TENM2: variants seen among roughly 807,000 people sequenced by gnomAD.
TENM2 encodes the protein teneurin-2.
Under a neutral mutation model 245.2 loss-of-function variants are expected in TENM2, and 52 were observed. The ratio of observed to expected loss-of-function variants is 0.21; its 90% CI spans 0.17 to 0.27. TENM2 has a LOEUF of 0.27. TENM2 is among the 10% of genes least tolerant of loss of function. The pLI is 1.00. For synonymous variants in TENM2, 1,363 were observed against 1,438.9 expected (o/e 0.95, Z 1.19); for missense variants, 3,046 against 3,666.8 (o/e 0.83, Z 4.37).
intron 13 of TENM2, among the ~76,000 whole-genome samples, chr5:168,183,799 A>G (rs1258303743): frequency 6.9e-6 from 1 of 144,366 alleles, no homozygotes; most frequent in African/African-American, 2.8e-5. Context: ...AGCTCTGTAT[A>G]GGTAAAAAAA....
chr5:167,546,914 G>A (rs1413328090), intron 2 of TENM2, among the ~76,000 whole-genome samples: 3 of 152,048 alleles, frequency 2.0e-5, no homozygotes, highest in Non-Finnish European at 4.4e-5. Context: ...CTCCTCTCCT[G>A]GGCACTCTCA....
intron 2 of TENM2, among the ~76,000 whole-genome samples, chr5:167,789,166 C>A (rs1467762331): frequency 6.6e-6 from 1 of 152,170 alleles, no homozygotes. Context: ...TCAGGCTAGG[C>A]CTCGAAAATA....
At chr5:167,357,880 A>T (rs1759447301) in intron 1 of TENM2, among the ~76,000 whole-genome samples, 1 of 152,054 alleles carries the variant, frequency 6.6e-6, no homozygotes, top group Non-Finnish European at 1.5e-5. Flanking sequence ...GAATTTCGAA[A>T]CCACATCTAC....
At chr5:167,257,220 C>G in the TENM2 span, among the ~76,000 whole-genome samples, 126 of 152,164 alleles carry the variant, frequency 8.3e-4, 1 homozygote, top group South Asian at 0.021. Context: ...CCTAGTTACC[C>G]TACCATAAAA....
chr5:167,981,643 C>T (rs555561410), intron 4 of TENM2, among the ~76,000 whole-genome samples: 5 of 152,308 alleles, frequency 3.3e-5, no homozygotes, highest in Admixed American at 1.3e-4. Flanking sequence ...GCTTTGCTAA[C>T]TCAAAGAGAT....
At chr5:167,138,121 T>C in the TENM2 span, among the ~76,000 whole-genome samples, 1 of 152,248 alleles carries the variant, frequency 6.6e-6, no homozygotes, top group African/African-American at 2.4e-5. Flanking sequence ...TTCACTACTG[T>C]CTGTTCAAAT....
At chr5:167,461,986 G>C (rs923329444) in intron 2 of TENM2, among the ~76,000 whole-genome samples, 1 of 152,094 alleles carries the variant, frequency 6.6e-6, no homozygotes, top group Non-Finnish European at 1.5e-5. Flanking sequence ...ATAGAGATGG[G>C]AATAAATCGC....
chr5:167,498,251 C>T (rs1768944380), intron 2 of TENM2, among the ~76,000 whole-genome samples: 1 of 152,032 alleles, frequency 6.6e-6, no homozygotes, highest in Non-Finnish European at 1.5e-5. Context: ...GCAGAGGCGC[C>T]GGGAACTCTT....
At chr5:167,091,898 C>T in the TENM2 span, among the ~76,000 whole-genome samples, 4 of 152,114 alleles carry the variant, frequency 2.6e-5, no homozygotes, top group African/African-American at 2.4e-5. Flanking sequence ...TGGCACTTGA[C>T]GTGGCATTTA....
intron 14 of TENM2, among the ~76,000 whole-genome samples, chr5:168,191,471 C>T (rs895579285): frequency 2.6e-5 from 4 of 151,830 alleles, no homozygotes; most frequent in African/African-American, 4.8e-5. Flanking sequence ...GAAGGAGGAG[C>T]GTGGTCTAAT....
At chr5:167,903,213 G>C (rs1583321035) in intron 3 of TENM2, among the ~76,000 whole-genome samples, 1 of 152,142 alleles carries the variant, frequency 6.6e-6, no homozygotes, top group East Asian at 1.9e-4. Flanking sequence ...CATCCATTCA[G>C]CTAATAATAA....
chr5:168,029,417 T>C (rs1310015712), intron 5 of TENM2, among the ~76,000 whole-genome samples: 1 of 152,202 alleles, frequency 6.6e-6, no homozygotes, highest in African/African-American at 2.4e-5. Context: ...TGCTAGTATG[T>C]AGCTACCCAG....
chr5:167,208,134 C>T, the TENM2 span, among the ~76,000 whole-genome samples: 2 of 152,122 alleles, frequency 1.3e-5, no homozygotes, highest in Non-Finnish European at 2.9e-5. Context: ...AATCAACTTA[C>T]GTGAGAGATG....
the TENM2 span, among the ~76,000 whole-genome samples, chr5:167,181,466 T>TGTGTG: frequency 3.3e-5 from 4 of 122,600 alleles, no homozygotes; most frequent in Admixed American, 2.5e-4. Context: ...AGCCGCTCGT[T>TGTGTG]TGTGTGTGTG....
At chr5:167,568,800 T>C (rs1287713168) in intron 2 of TENM2, among the ~76,000 whole-genome samples, 1 of 152,096 alleles carries the variant, frequency 6.6e-6, no homozygotes, top group East Asian at 1.9e-4. Flanking sequence ...TTTTATGTTG[T>C]TCCAGATTGT....
intron 2 of TENM2, among the ~76,000 whole-genome samples, chr5:167,702,043 C>T (rs968152225): frequency 6.0e-4 from 92 of 152,198 alleles, no homozygotes; most frequent in African/African-American, 2.2e-3. Flanking sequence ...TTGAAGATTG[C>T]AAAAGCTATT....
At chr5:168,198,289 A>G (rs1250673787) in intron 15 of TENM2, among the ~76,000 whole-genome samples, 1 of 134,366 alleles carries the variant, frequency 7.4e-6, no homozygotes, top group Non-Finnish European at 1.5e-5. Flanking sequence ...TCCACCTCCC[A>G]GGTTCAAGCA....
At chr5:167,322,905 C>T (rs1345598908) in intron 1 of TENM2, among the ~76,000 whole-genome samples, 1 of 152,214 alleles carries the variant, frequency 6.6e-6, no homozygotes, top group Non-Finnish European at 1.5e-5. Context: ...ATGCACTAAG[C>T]ATCTCATAAA....
At chr5:167,251,588 A>C in the TENM2 span, among the ~76,000 whole-genome samples, 4 of 152,170 alleles carry the variant, frequency 2.6e-5, no homozygotes, top group Non-Finnish European at 5.9e-5. Context: ...CAATTTGGGC[A>C]CACTCAAGAT....
Sources: allele counts gnomAD v4.1 joint callset (sites outside exome capture counted in the v4.1 genomes callset), GRCh38; gene constraint gnomAD v4.1.1; transcripts MANE v1.5; gene names NCBI Gene and HGNC (gene_info 2026-07-23, HGNC 2026-07-21).